The following VRK2 variants were observed in gnomAD, a reference collection of about 807,000 sequenced individuals.
VRK2 encodes the protein serine/threonine-protein kinase VRK2.
In VRK2, 60 loss-of-function variants were observed where a neutral mutation model predicts 57.6. That is an observed-to-expected ratio of 1.04 (90% confidence interval 0.85 to 1.29). The LOEUF (loss-of-function observed/expected upper bound fraction) is 1.29. Among genes scored for constraint, VRK2 ranks in the 50% most tolerant of loss-of-function variants. The probability of loss-of-function intolerance (pLI) is 0.00; values close to 1 mark genes in which losing one functional copy is unlikely to be tolerated. For synonymous variants in VRK2, 231 were observed against 199.2 expected, an observed-to-expected ratio of 1.16 and a Z score of -1.35; for missense variants, 705 against 588.1, an observed-to-expected ratio of 1.20 and a Z score of -2.06.
chr2:58,136,878 TATATC>T (rs1351009924), intron 10 of VRK2, among the ~76,000 whole-genome samples: 5 of 102,478 alleles, frequency 4.9e-5, no homozygotes, highest in Admixed American at 3.2e-4. Context: ...TATCATATAT[TATATC>T]ATATATATGT....
chr2:58,027,345 G>A lies in VRK2; in HGVS notation c.-333+1575G>A, dbSNP rs910800828. On this transcript the variant is annotated intron_variant, in intron 2 of 15. Transcript: ENST00000417641. ...CACAGGTATTCAAATTATATCCAGGGAAAAGGATCAGGGGTGGATAGTGGT... is the reference window on the plus strand; with the variant it reads ...CACAGGTATTCAAATTATATCCAGGAAAAAGGATCAGGGGTGGATAGTGGT... 3.9e-5 allele frequency among the ~76,000 whole-genome samples: 6 copies of A among 152,220 alleles called. No homozygotes were observed. The East Asian group carries it at 7.7e-4, about 20-fold the overall frequency.
intron 1 of VRK2, among the ~76,000 whole-genome samples, chr2:57,963,587 A>G (rs1157663491): frequency 6.6e-6 from 1 of 152,332 alleles, no homozygotes; most frequent in East Asian, 1.9e-4. Flanking sequence ...TGAAAGAATA[A>G]AAGACTAATA....
At chr2:57,926,502 A>T (rs1021707597) in intron 1 of VRK2, among the ~76,000 whole-genome samples, 8 of 149,322 alleles carry the variant, frequency 5.4e-5, no homozygotes, top group South Asian at 2.1e-4. Context: ...ATATATATAT[A>T]GTGTGTGTAT....
At chr2:58,026,329 T>C (rs72949138) in intron 2 of VRK2, among the ~76,000 whole-genome samples, 3,103 of 151,696 alleles carry the variant, frequency 0.02, 124 homozygotes, top group African/African-American at 0.071. Flanking sequence ...AAAGAGAAAG[T>C]GAGGGAATGA....
At chr2:57,924,900 GT>G (rs536379622) in intron 1 of VRK2, among the ~76,000 whole-genome samples, 2 of 150,606 alleles carry the variant, frequency 1.3e-5, no homozygotes, top group African/African-American at 4.9e-5. Context: ...TTTTTTTAGG[GT>G]TTTTTTTTAA....
chr2:58,146,085 G>C (rs116211965), intron 11 of VRK2, among the ~76,000 whole-genome samples: 1 of 151,918 alleles, frequency 6.6e-6, no homozygotes, highest in Non-Finnish European at 1.5e-5. Context: ...AGAAACATAC[G>C]TGTGCATGCA....
intron 1 of VRK2, among the ~76,000 whole-genome samples, chr2:57,953,367 G>C (rs1332253566): frequency 2.6e-5 from 4 of 152,060 alleles, no homozygotes; most frequent in Non-Finnish European, 5.9e-5. Flanking sequence ...TTTCCTCATT[G>C]TTCCATATCT....
chr2:58,129,624 GT>G (rs1338380572), intron 8 of VRK2, among the ~76,000 whole-genome samples: 1 of 152,128 alleles, frequency 6.6e-6, no homozygotes, highest in Admixed American at 6.5e-5. Flanking sequence ...TAGAACATTT[GT>G]TTTTAATTAA....
chr2:58,138,268 C>T (rs960595429), intron 10 of VRK2, among the ~76,000 whole-genome samples: 3 of 152,064 alleles, frequency 2.0e-5, no homozygotes, highest in East Asian at 1.9e-4. Flanking sequence ...TGGATACCCC[C>T]GAGCCCTTGT....
chr2:58,104,344 G>A (rs2104368289), intron 7 of VRK2, among the ~76,000 whole-genome samples: 1 of 151,816 alleles, frequency 6.6e-6, no homozygotes, highest in South Asian at 2.1e-4. Flanking sequence ...TCTTAATTTT[G>A]TTAAATGAAT....
At position 58,002,261 on chromosome 2, in the gene VRK2, G is replaced by C. The variant is rs774124771; in HGVS notation, c.-438-23404G>C. 2.7e-4 allele frequency among the ~76,000 whole-genome samples: 41 copies of C among 152,122 alleles called. 1 individual carries two copies. Among genetic ancestry groups the C allele is most frequent in the Non-Finnish European group, 5.9e-5 (4 of 68,010 alleles). On this transcript the variant is annotated intron_variant, in intron 1 of 15. Transcript: ENST00000417641. The stretch of plus-strand genomic sequence containing the variant: ...TTTGGGAGGCTGTGGCGGATCACCC[G>C]ATGTCAGGAGTTCAAGACCAGCCTG...
chr2:58,051,471 A>G (rs1185544741), intron 2 of VRK2, among the ~76,000 whole-genome samples: 3 of 152,216 alleles, frequency 2.0e-5, no homozygotes, highest in Non-Finnish European at 4.4e-5. Flanking sequence ...ATACAAACAA[A>G]TCAATATGAA....
At chr2:58,090,241 C>T (rs950069423) in intron 7 of VRK2, among the ~76,000 whole-genome samples, 5 of 151,704 alleles carry the variant, frequency 3.3e-5, no homozygotes, top group African/African-American at 1.2e-4. Context: ...ACTAAAAATA[C>T]AAAAATTAGC....
At chr2:58,090,699 G>A (rs1303919147) in intron 7 of VRK2, among the ~76,000 whole-genome samples, 2 of 152,132 alleles carry the variant, frequency 1.3e-5, no homozygotes, top group Non-Finnish European at 2.9e-5. Context: ...CAGCAGTTGT[G>A]CTCATTAGTA....
intron 7 of VRK2, among the ~76,000 whole-genome samples, chr2:58,112,640 C>G (rs998141409): frequency 2.0e-5 from 3 of 151,272 alleles, no homozygotes; most frequent in Non-Finnish European, 2.9e-5. Context: ...AAATATGAGA[C>G]TCAAAGAAGG....
At chr2:57,942,320 A>G (rs557522585) in intron 1 of VRK2, among the ~76,000 whole-genome samples, 25 of 152,356 alleles carry the variant, frequency 1.6e-4, no homozygotes, top group African/African-American at 5.8e-4. Context: ...TGTGTATAAA[A>G]ATTATGCAGA....
Position 58,023,382 on chromosome 2 carries a change from T to C in VRK2, c.-438-2283T>C, listed in dbSNP as rs796960123. Among the ~76,000 whole-genome samples, 5 of 152,330 alleles carry C rather than the reference T, an allele frequency of 3.3e-5. No homozygotes were observed. In the South Asian group the frequency reaches 1.0e-3, roughly 32 times the overall value. ...GTATGTGTGCATATAACAAAATTTCTATATACATACACACTACATTTTGTT... is the reference window on the plus strand; with the variant it reads ...GTATGTGTGCATATAACAAAATTTCCATATACATACACACTACATTTTGTT... On this transcript the variant is annotated intron_variant, in intron 1 of 15. Transcript: ENST00000417641.
At chr2:58,126,750 T>G (rs1678409212) in intron 8 of VRK2, among the ~76,000 whole-genome samples, 2 of 152,132 alleles carry the variant, frequency 1.3e-5, no homozygotes, top group African/African-American at 4.8e-5. Flanking sequence ...TATAATTTTT[T>G]TATTCTTTAT....
chr2:58,142,782 G>C (rs1007415204), intron 11 of VRK2, among the ~76,000 whole-genome samples: 7 of 151,856 alleles, frequency 4.6e-5, no homozygotes, highest in African/African-American at 1.7e-4. Flanking sequence ...CCTTGAATAA[G>C]CTATTTTTCA....
Sources: gnomAD v4.1 joint callset for allele counts (sites outside exome capture counted in the v4.1 genomes callset) on GRCh38, gnomAD v4.1.1 for gene constraint, MANE v1.5 for transcripts, NCBI Gene and HGNC (gene_info 2026-07-23, HGNC 2026-07-21) for gene names.